Variants in ARHGAP39 observed in about 807,000 individuals in gnomAD.
ARHGAP39 encodes Rho GTPase activating protein 39, also known as rho GTPase-activating protein 39.
A neutral mutation model predicts 106.9 loss-of-function variants in ARHGAP39; 44 were observed. The ratio of observed to expected loss-of-function variants is 0.41; its 90% CI spans 0.32 to 0.53. The LOEUF (loss-of-function observed/expected upper bound fraction) is 0.53, where lower values mean the gene tolerates loss of function less well. Among genes scored for constraint, ARHGAP39 ranks in the 20% least tolerant of loss-of-function variants. The pLI is 0.21. For synonymous variants in ARHGAP39, 768 were observed against 693.2 expected (o/e 1.11, Z -1.69); for missense variants, 1,496 against 1,577.3 (o/e 0.95, Z 0.87).
At chr8:144,576,162 G>GTC (rs1818765163) in intron 3 of ARHGAP39, among the ~76,000 whole-genome samples, 1 of 151,792 alleles carries the variant, frequency 6.6e-6, no homozygotes, top group Non-Finnish European at 1.5e-5. Context: ...GTGAAACCGT[G>GTC]TCTCTACTAA....
In ARHGAP39 at chr8:144,635,036, T is replaced by C. The variant is rs560452722; in HGVS notation, c.-81-29341A>G. 4.0e-4 allele frequency among the ~76,000 whole-genome samples: 61 copies of C among 152,380 alleles called. 1 individual carries two copies. The highest frequency in any genetic ancestry group is 6.8e-3 in the Middle Eastern group (2 of 294). Reference sequence around the variant, plus strand: ...ATTCTCGAATCCCTAATCTAGGTGTTCCCACAAAGGATTCTGGTGATACTG... The same window carrying C: ...ATTCTCGAATCCCTAATCTAGGTGTCCCCACAAAGGATTCTGGTGATACTG... On this transcript the variant is annotated intron_variant, in intron 1 of 11. Coordinates refer to ENST00000377307, the MANE Select transcript of ARHGAP39 (RefSeq NM_025251.3).
chr8:144,627,454 C>G (rs1820951358), intron 1 of ARHGAP39, among the ~76,000 whole-genome samples: 1 of 149,982 alleles, frequency 6.7e-6, no homozygotes, highest in South Asian at 2.1e-4. Context: ...ACTCAGGAGG[C>G]TGAGGCAGGA....
chr8:144,675,506 G>A (rs112028068), intron 1 of ARHGAP39, among the ~76,000 whole-genome samples: 3,153 of 152,158 alleles, frequency 0.021, 96 homozygotes, highest in African/African-American at 0.073. Flanking sequence ...CGTGGTTAGT[G>A]TTACAGCTCT....
At chr8:144,593,857 AG>A (rs1436738091) in intron 2 of ARHGAP39, among the ~76,000 whole-genome samples, 6 of 152,202 alleles carry the variant, frequency 3.9e-5, no homozygotes, top group Non-Finnish European at 8.8e-5. Context: ...TGAGAGGCCA[AG>A]GCAGGTGGAT....
rs1272327468 is a variant in ARHGAP39 at position 144,647,842 on chromosome 8, C to T, written c.-82+37844G>A. ...AACAGTGTTTCCAAGCAAAAGTGCA[C>T]CCATGTGCCAAGTACTGTACATAAA... On this transcript the variant is annotated intron_variant, in intron 1 of 11. Coordinates refer to ENST00000377307, the MANE Select transcript of ARHGAP39 (RefSeq NM_025251.3). This position sits in a 1 kb window ranked among gnomAD's most constrained non-coding sequence, Gnocchi z 4.8. 1.3e-5 allele frequency among the ~76,000 whole-genome samples: 2 copies of T among 152,238 alleles called. No individual in the cohort carries two copies. Among genetic ancestry groups the T allele is most frequent in the Admixed American group, 1.3e-4 (2 of 15,286 alleles).
At chr8:144,560,530 G>A (rs1172470487) in intron 3 of ARHGAP39, among the ~76,000 whole-genome samples, 1 of 152,206 alleles carries the variant, frequency 6.6e-6, no homozygotes, top group Non-Finnish European at 1.5e-5. Flanking sequence ...AGAACAAAAA[G>A]CTAGAAATAT....
chr8:144,542,659 C>T (rs1250753068), intron 6 of ARHGAP39, among the ~76,000 whole-genome samples: 1 of 119,058 alleles, frequency 8.4e-6, no homozygotes, highest in Non-Finnish European at 1.6e-5. Flanking sequence ...GGAGTCTTGG[C>T]CGGGCACAAT....
chr8:144,642,164 G>A (rs866299563), intron 1 of ARHGAP39, among the ~76,000 whole-genome samples: 2 of 152,128 alleles, frequency 1.3e-5, no homozygotes, highest in African/African-American at 2.4e-5. Flanking sequence ...ATGAGACCTC[G>A]TCTCTATTAA....
chr8:144,653,481 G>GCC (rs901530184), intron 1 of ARHGAP39, among the ~76,000 whole-genome samples: 3 of 152,082 alleles, frequency 2.0e-5, no homozygotes, highest in Admixed American at 6.6e-5. Context: ...GAAAAAAGAG[G>GCC]CCCCTTCAAT....
chr8:144,660,759 C>A (rs562088536), intron 1 of ARHGAP39, among the ~76,000 whole-genome samples: 8 of 152,128 alleles, frequency 5.3e-5, no homozygotes, highest in Non-Finnish European at 1.2e-4. Flanking sequence ...GCAGGCAGAT[C>A]ACTTGAGGTC....
chr8:144,566,375 G>A (rs1489965838), intron 3 of ARHGAP39, among the ~76,000 whole-genome samples: 2 of 152,050 alleles, frequency 1.3e-5, no homozygotes, highest in Non-Finnish European at 2.9e-5. Flanking sequence ...ACCACCCTGG[G>A]CAACATGGTA....
At chr8:144,550,866 G>A (rs1262606698) in intron 4 of ARHGAP39, among the ~76,000 whole-genome samples, 3 of 152,344 alleles carry the variant, frequency 2.0e-5, no homozygotes, top group Admixed American at 6.5e-5. Flanking sequence ...GAAGGGCTCC[G>A]GAGTTCGGGA....
chr8:144,546,579 G>A (rs1035500686), intron 5 of ARHGAP39, among the ~76,000 whole-genome samples: 24 of 152,230 alleles, frequency 1.6e-4, no homozygotes, highest in African/African-American at 5.3e-4. Flanking sequence ...AGAGGTGCAC[G>A]TGGCCTCCAC....
chr8:144,547,588 A>C lies in ARHGAP39; in HGVS notation c.1498T>G (p.Ser500Ala). 6.8e-7 allele frequency: 1 copy of C among 1,476,016 alleles called. No individual in the cohort carries two copies. The highest frequency in any genetic ancestry group is 1.4e-5 in the South Asian group (1 of 72,454). The allele number at this position is 1,476,016 out of a possible 1,614,324, so 91.4% of individuals were successfully genotyped here. The stretch of plus-strand genomic sequence containing the variant: ...GTGGCGCTGGTGGCTTGGCACAAAG[A>C]GGGCTTTCTGCTCTTCCGCTTGCGC... ...GTRKRKSRKP[S>A]LCQATSATPT... The change falls in exon 5 of 12, where the codon TCT becomes GCT. Residue 500 changes from serine (S) to alanine (A), a missense_variant. Coordinates refer to ENST00000377307, the MANE Select transcript of ARHGAP39 (RefSeq NM_025251.3). The surrounding 1 kb of genome is among the most constrained non-coding windows in gnomAD (Gnocchi z 5.2).
chr8:144,610,016 G>C (rs1820434603), intron 1 of ARHGAP39, among the ~76,000 whole-genome samples: 1 of 152,192 alleles, frequency 6.6e-6, no homozygotes, highest in Admixed American at 6.5e-5. Context: ...ACAGAGCTGA[G>C]CAGGCTCTAA....
Position 144,647,890 on chromosome 8 carries a change from T to C in ARHGAP39, c.-82+37796A>G, listed in dbSNP as rs2130994178. The stretch of plus-strand genomic sequence containing the variant: ...AAAATAAGTCCATATCCAGACTCAT[T>C]GCCCTGAAGGACTAAAAGCTACCAG... On this transcript the variant is annotated intron_variant, in intron 1 of 11. Transcript: ENST00000377307. This position sits in a 1 kb window ranked among gnomAD's most constrained non-coding sequence, Gnocchi z 4.8. Among the ~76,000 whole-genome samples, 1 of 152,336 alleles carries C rather than the reference T, an allele frequency of 6.6e-6. No homozygotes were observed. The highest frequency in any genetic ancestry group is 1.5e-5 in the Non-Finnish European group (1 of 68,020).
intron 4 of ARHGAP39, among the ~76,000 whole-genome samples, chr8:144,554,417 G>A: frequency 6.6e-6 from 1 of 152,222 alleles, no homozygotes; most frequent in South Asian, 2.1e-4. Context: ...ATGAGCTCAG[G>A]GATAATGCCA....
At chr8:144,576,145 CA>C (rs549905674) in intron 3 of ARHGAP39, among the ~76,000 whole-genome samples, 1 of 151,912 alleles carries the variant, frequency 6.6e-6, no homozygotes, top group Non-Finnish European at 1.5e-5. Flanking sequence ...GCCCAGCCAC[CA>C]ACATGGTGAA....
At chr8:144,692,748 C>CTTTTTTTTT in the ARHGAP39 span, among the ~76,000 whole-genome samples, 9 of 69,048 alleles carry the variant, frequency 1.3e-4, no homozygotes, top group Non-Finnish European at 1.9e-4. Context: ...TTGTAAAATT[C>CTTTTTTTTT]TTTTTTTTTT....
Sources: gnomAD v4.1 joint callset for allele counts (sites outside exome capture counted in the v4.1 genomes callset) on GRCh38, gnomAD v4.1.1 for gene constraint, Gnocchi (gnomAD v3.1) non-coding constraint, MANE v1.5 for transcripts, NCBI Gene and HGNC (gene_info 2026-07-23, HGNC 2026-07-21) for gene names.